The following PIK3C2B variants were observed in gnomAD, a reference collection of about 807,000 sequenced individuals.
The protein encoded by PIK3C2B is phosphatidylinositol-4-phosphate 3-kinase catalytic subunit type 2 beta.
Under a neutral mutation model 184.3 loss-of-function variants are expected in PIK3C2B, and 83 were observed. The observed-to-expected ratio is 0.45, with a 90% confidence interval of 0.38 to 0.54. The LOEUF (loss-of-function observed/expected upper bound fraction) is 0.54. Ranked by LOEUF, PIK3C2B falls within the 20% of genes least tolerant of loss-of-function variation. The pLI is 0.00. For missense variants in PIK3C2B, 1,736 were observed against 2,113.5 expected, an observed-to-expected ratio of 0.82 and a Z score of 3.50; for synonymous variants, 779 against 837.6, an observed-to-expected ratio of 0.93 and a Z score of 1.21.
At chr1:204,453,314 G>A (rs139198022) in intron 12 of PIK3C2B, among the ~76,000 whole-genome samples, 1 of 152,186 alleles carries the variant, frequency 6.6e-6, no homozygotes, top group African/African-American at 2.4e-5. Flanking sequence ...ATTCAAGCAA[G>A]GCACCCTCTC....
chr1:204,493,227 C>T (rs956917427), intron 1 of PIK3C2B, among the ~76,000 whole-genome samples: 8 of 152,188 alleles, frequency 5.3e-5, no homozygotes, highest in African/African-American at 1.9e-4. Flanking sequence ...TTACATCTGC[C>T]TGGCCATATC....
chr1:204,449,877 A>G lies in PIK3C2B; in HGVS notation c.2207T>C (p.Val736Ala). 2 of 1,612,770 alleles carry G rather than the reference A, an allele frequency of 1.2e-6. No homozygotes were observed. Among genetic ancestry groups the G allele is most frequent in the Non-Finnish European group, 1.7e-6 (2 of 1,179,406 alleles). Residue 736 changes from valine (V) to alanine (A), a missense_variant, in exon 13 of 33, where the codon GTC becomes GCC. Physicochemically the swap from Val to Ala is moderately conservative, Grantham distance 64. Around this residue, in one of 8 missense-constraint regions of PIK3C2B, gnomAD observed 609 missense variants for 699.2 expected, o/e 0.87. Transcript: ENST00000684373. Reference protein sequence around the residue: ...QRRVPEALGWVTTPLFNFRQV... With the variant: ...QRRVPEALGWATTPLFNFRQV... ...CCTGAAGTTGAAGAGTGGGGTAGTG[A>G]CCCAGCCCAGGGCTTCAGGCACCCG... is the stretch of plus-strand genomic sequence containing the variant.
intron 1 of PIK3C2B, chr1:204,489,768 T>C (rs1020894118): frequency 2.0e-5 from 8 of 396,146 alleles, no homozygotes; most frequent in African/African-American, 1.2e-4. Context: ...TCATTACTAC[T>C]ATCTGGGCTT....
intron 1 of PIK3C2B, among the ~76,000 whole-genome samples, chr1:204,472,166 CTT>C (rs71145091): frequency 1.4e-5 from 2 of 143,754 alleles, no homozygotes; most frequent in Non-Finnish European, 3.0e-5. Context: ...ACTGGGGGAA[CTT>C]TTTTTTTTTT....
At chr1:204,473,697 T>A (rs1372290309) in intron 1 of PIK3C2B, among the ~76,000 whole-genome samples, 1 of 152,210 alleles carries the variant, frequency 6.6e-6, no homozygotes, top group African/African-American at 2.4e-5. Context: ...AAATAATCTT[T>A]TTCAACTTCA....
intron 1 of PIK3C2B, among the ~76,000 whole-genome samples, chr1:204,479,324 T>A (rs1306135641): frequency 6.6e-6 from 1 of 151,206 alleles, no homozygotes; most frequent in Non-Finnish European, 1.5e-5. Context: ...AAGGGCATGG[T>A]AGTTATGAGG....
intron 1 of PIK3C2B, among the ~76,000 whole-genome samples, chr1:204,475,060 G>T (rs1656611083): frequency 6.6e-6 from 1 of 151,916 alleles, no homozygotes; most frequent in Non-Finnish European, 1.5e-5. Context: ...CTCTCATTTG[G>T]GCTATTACAA....
intron 1 of PIK3C2B, among the ~76,000 whole-genome samples, chr1:204,472,210 C>T (rs1365191187): frequency 6.7e-6 from 1 of 149,826 alleles, no homozygotes; most frequent in Non-Finnish European, 1.5e-5. Context: ...GTCGCCCAGG[C>T]TGGAGTGCAG....
At chr1:204,491,556 A>C (rs1379518658) in intron 1 of PIK3C2B, among the ~76,000 whole-genome samples, 1 of 152,122 alleles carries the variant, frequency 6.6e-6, no homozygotes, top group Non-Finnish European at 1.5e-5. Context: ...AGCCACATGT[A>C]GTGGTGCATG....
At chr1:204,431,626 C>T in intron 28 of PIK3C2B, 43 bp downstream of exon 28, 2 of 1,612,492 alleles carry the variant, frequency 1.2e-6, no homozygotes, top group Middle Eastern at 1.9e-4. Context: ...TCCTTTCCCC[C>T]TCCCCGACAT....
At chr1:204,492,618 G>C (rs767158924) in intron 1 of PIK3C2B, among the ~76,000 whole-genome samples, 4 of 152,052 alleles carry the variant, frequency 2.6e-5, no homozygotes, top group Non-Finnish European at 4.4e-5. Flanking sequence ...GAGCATACTA[G>C]GTCATGACAA....
intron 22 of PIK3C2B, among the ~76,000 whole-genome samples, chr1:204,439,675 C>T (rs1675540596): frequency 6.6e-6 from 1 of 152,162 alleles, no homozygotes; most frequent in South Asian, 2.1e-4. Context: ...CATTCTGTCG[C>T]CTGGTCTGAA....
At chr1:204,452,109 C>T (rs1179310636) in intron 12 of PIK3C2B, among the ~76,000 whole-genome samples, 1 of 152,214 alleles carries the variant, frequency 6.6e-6, no homozygotes, top group African/African-American at 2.4e-5. Context: ...CAAGATAGTG[C>T]CCTTCACAAG....
intron 12 of PIK3C2B, among the ~76,000 whole-genome samples, chr1:204,452,619 T>C (rs1477351356): frequency 2.7e-5 from 4 of 150,444 alleles, no homozygotes; most frequent in African/African-American, 9.8e-5. Context: ...GGCAGTTGTT[T>C]GCTTGAGGAC....
intron 1 of PIK3C2B, chr1:204,490,033 G>A (rs1657907707): frequency 1.0e-5 from 4 of 397,334 alleles, no homozygotes; most frequent in South Asian, 1.3e-4. Context: ...AATGAGCCAC[G>A]TGTGTGAAAC....
chr1:204,465,169 C>CCCCCACCCCCCAAGCCCACCCCAAAA, intron 3 of PIK3C2B, 50 bp downstream of exon 3: 1 of 760,070 alleles, frequency 1.3e-6, no homozygotes, highest in Non-Finnish European at 2.3e-6. Flanking sequence ...TGGCCCCCCT[C>CCCCCACCCCCCAAGCCCACCCCAAAA]CCCATCCCCC....
At chr1:204,476,256 C>T (rs890826116) in intron 1 of PIK3C2B, among the ~76,000 whole-genome samples, 1 of 152,184 alleles carries the variant, frequency 6.6e-6, no homozygotes, top group Non-Finnish European at 1.5e-5. Context: ...TCAGTTCTCT[C>T]TCTGTCAGGC....
chr1:204,460,370 A>G lies in PIK3C2B; in HGVS notation c.1456T>C (p.Tyr486His). The G allele has an allele frequency of 6.2e-7, 1 of 1,614,052 alleles. No homozygotes were observed. The highest frequency in any genetic ancestry group is 8.5e-7 in the Non-Finnish European group (1 of 1,179,944). The change falls in exon 7 of 33, where the codon TAC becomes CAC. Residue 486 changes from tyrosine to histidine, a missense_variant. Coordinates refer to ENST00000684373, the MANE Select transcript of PIK3C2B (RefSeq NM_001377334.1). ...NDDQSPSTLN[Y>H]LVHLQERPVK... ...GGCCTCTCTTGGAGATGGACGAGGT[A>G]GTTCAAGGTGGAGGGGCTCTGGTCA...
intron 16 of PIK3C2B, 64 bp downstream of exon 16, chr1:204,445,892 G>C: frequency 8.9e-7 from 1 of 1,120,300 alleles, no homozygotes; most frequent in Non-Finnish European, 1.2e-6. Flanking sequence ...ATCACTGATG[G>C]GCAGTGTCGT....
Sources: allele counts gnomAD v4.1 joint callset (sites outside exome capture counted in the v4.1 genomes callset), GRCh38; gene constraint gnomAD v4.1.1; regional missense constraint gnomAD v4.1.1; transcripts MANE v1.5; gene names NCBI Gene and HGNC (gene_info 2026-07-23, HGNC 2026-07-21).